The following RPS6KC1 variants were observed in gnomAD, a reference collection of about 807,000 sequenced individuals.
The protein encoded by RPS6KC1 is inactive ribosomal protein S6 kinase delta-1.
In RPS6KC1, 54 loss-of-function variants were observed where a neutral mutation model predicts 103.8. That is an observed-to-expected ratio of 0.52 (90% CI 0.42 to 0.65). RPS6KC1 has a LOEUF of 0.65. RPS6KC1 is among the 30% of genes least tolerant of loss of function. The pLI, the probability that RPS6KC1 is intolerant of heterozygous loss-of-function variation, is 0.00. For missense variants in RPS6KC1, 1,151 were observed against 1,253.8 expected, an observed-to-expected ratio of 0.92 and a Z score of 1.24; for synonymous variants, 439 against 438.7, an observed-to-expected ratio of 1.00 and a Z score of -0.01.
At chr1:213,088,342 A>T (rs2080619991) in intron 3 of RPS6KC1, among the ~76,000 whole-genome samples, 1 of 151,030 alleles carries the variant, frequency 6.6e-6, no homozygotes. Flanking sequence ...TTTTACCTTT[A>T]TTGTTACTCC....
the RPS6KC1 span, among the ~76,000 whole-genome samples, chr1:213,775,758 G>T: frequency 4.6e-5 from 7 of 152,270 alleles, no homozygotes; most frequent in East Asian, 9.6e-4. Flanking sequence ...TTCCTTTCAT[G>T]AAAGGTCTCT....
chr1:213,170,905 A>G (rs2091424896), intron 7 of RPS6KC1, among the ~76,000 whole-genome samples: 1 of 152,216 alleles, frequency 6.6e-6, no homozygotes, highest in South Asian at 2.1e-4. Context: ...AATGATTTCT[A>G]AGGCCCCTTT....
At chr1:213,210,547 C>T (rs771347975) in intron 8 of RPS6KC1, among the ~76,000 whole-genome samples, 6 of 152,110 alleles carry the variant, frequency 3.9e-5, no homozygotes, top group Middle Eastern at 3.2e-3. Flanking sequence ...TTGTTGCAGT[C>T]GATGAACTTG....
At chr1:213,317,304 G>A in the RPS6KC1 span, among the ~76,000 whole-genome samples, 1 of 151,926 alleles carries the variant, frequency 6.6e-6, no homozygotes, top group African/African-American at 2.4e-5. Flanking sequence ...CATTTCCCAG[G>A]GCCACTCAAC....
At chr1:213,452,165 C>T in the RPS6KC1 span, among the ~76,000 whole-genome samples, 1 of 152,174 alleles carries the variant, frequency 6.6e-6, no homozygotes, top group Admixed American at 6.5e-5. Context: ...AGGCTGCATT[C>T]AGCAAACGGG....
chr1:213,584,327 C>T, the RPS6KC1 span, among the ~76,000 whole-genome samples: 18 of 152,292 alleles, frequency 1.2e-4, no homozygotes, highest in Admixed American at 9.8e-4. Flanking sequence ...TAACAAGCAC[C>T]ACAGAGGCTG....
At position 213,241,973 on chromosome 1, in the gene RPS6KC1, G is replaced by A. The variant is rs762777581; in HGVS notation, c.2497G>A (p.Ala833Thr). ...SPLSGANEYI[A>T]STDTLKTEEV... The stretch of plus-strand genomic sequence containing the variant: ...ACTCTCAGGTGCTAATGAATATATT[G>A]CAAGCACAGACACTTTAAAAACAGA... Residue 833 changes from alanine (A) to threonine (T), a missense_variant, in exon 11 of 15, where the codon GCA (alanine) becomes ACA (threonine). Ala to Thr is a moderately conservative substitution (Grantham distance 58). Coordinates refer to ENST00000366960, the MANE Select transcript of RPS6KC1 (RefSeq NM_012424.6). The A allele has an allele frequency of 1.9e-6, 3 of 1,613,964 alleles. No individual in the cohort carries two copies. The highest frequency in any genetic ancestry group is 2.5e-6 in the Non-Finnish European group (3 of 1,179,928).
chr1:213,796,800 C>T, the RPS6KC1 span, among the ~76,000 whole-genome samples: 7 of 152,122 alleles, frequency 4.6e-5, no homozygotes, highest in Non-Finnish European at 7.4e-5. Flanking sequence ...AAGTTTAACC[C>T]GATTTCTTTC....
At chr1:213,290,612 GTTGTT>G in the RPS6KC1 span, among the ~76,000 whole-genome samples, 3 of 151,994 alleles carry the variant, frequency 2.0e-5, no homozygotes, top group Non-Finnish European at 4.4e-5. Context: ...TGTTGTTGTT[GTTGTT>G]TTGTTTTTGT....
chr1:213,522,802 C>A, the RPS6KC1 span, among the ~76,000 whole-genome samples: 2 of 152,202 alleles, frequency 1.3e-5, no homozygotes, highest in Non-Finnish European at 2.9e-5. Context: ...CAAGACTTGG[C>A]TTAAGAGAGT....
the RPS6KC1 span, among the ~76,000 whole-genome samples, chr1:213,538,035 A>G: frequency 6.6e-6 from 1 of 152,142 alleles, no homozygotes; most frequent in Admixed American, 6.5e-5. Flanking sequence ...GGAAGAGAGC[A>G]TGGTCCCATC....
chr1:213,216,548 C>T (rs2093667005), intron 8 of RPS6KC1, among the ~76,000 whole-genome samples: 1 of 152,118 alleles, frequency 6.6e-6, no homozygotes, highest in Non-Finnish European at 1.5e-5. Flanking sequence ...AACTCTCCAC[C>T]CCAAATCAAC....
the RPS6KC1 span, among the ~76,000 whole-genome samples, chr1:213,717,556 A>G: frequency 6.6e-6 from 1 of 152,276 alleles, no homozygotes; most frequent in South Asian, 2.1e-4. Flanking sequence ...GAAACTAGAA[A>G]CGTAGAAGAC....
At chr1:213,252,444 A>G (rs954451819) in intron 12 of RPS6KC1, among the ~76,000 whole-genome samples, 5 of 152,214 alleles carry the variant, frequency 3.3e-5, no homozygotes, top group African/African-American at 1.2e-4. Flanking sequence ...TTCTTGACCA[A>G]TTGTAACAAC....
intron 3 of RPS6KC1, among the ~76,000 whole-genome samples, chr1:213,083,377 A>G (rs74360438): frequency 0.011 from 1,706 of 152,326 alleles, 38 homozygotes; most frequent in African/African-American, 0.037. Flanking sequence ...TTTCAGAATT[A>G]CTATGGACCC....
At chr1:213,116,931 C>T (rs1250830693) in intron 4 of RPS6KC1, among the ~76,000 whole-genome samples, 1 of 152,192 alleles carries the variant, frequency 6.6e-6, no homozygotes, top group Non-Finnish European at 1.5e-5. Context: ...TGCTGTTAGT[C>T]TGATGGGCTT....
the RPS6KC1 span, among the ~76,000 whole-genome samples, chr1:213,510,832 TG>T: frequency 1.6e-4 from 25 of 152,166 alleles, no homozygotes; most frequent in Non-Finnish European, 2.8e-4. Flanking sequence ...CTTATTTGTG[TG>T]GGGTGGGGAG....
chr1:213,193,368 C>T (rs1298070765), intron 8 of RPS6KC1, among the ~76,000 whole-genome samples: 1 of 152,120 alleles, frequency 6.6e-6, no homozygotes, highest in African/African-American at 2.4e-5. Flanking sequence ...AAGTGATTGT[C>T]CTGCCTCAGT....
chr1:213,854,639 G>A, the RPS6KC1 span, among the ~76,000 whole-genome samples: 1 of 146,094 alleles, frequency 6.8e-6, no homozygotes, highest in Admixed American at 7.0e-5. Context: ...TGATTTAATG[G>A]TACTACTTTC....
Sources: allele counts gnomAD v4.1 joint callset (sites outside exome capture counted in the v4.1 genomes callset), GRCh38; gene constraint gnomAD v4.1.1; transcripts MANE v1.5; gene names NCBI Gene and HGNC (gene_info 2026-07-23, HGNC 2026-07-21).